Variants in CSMD1 observed in about 807,000 individuals in gnomAD.
The protein encoded by CSMD1 is CUB and Sushi multiple domains 1, also known as CUB and sushi domain-containing protein 1.
Under a neutral mutation model 417.5 loss-of-function variants are expected in CSMD1, and 213 were observed. The ratio of observed to expected loss-of-function variants is 0.51; its 90% CI spans 0.46 to 0.57. CSMD1 has a LOEUF of 0.57. Ranked by LOEUF, CSMD1 falls within the 20% of genes least tolerant of loss-of-function variation. The pLI is 0.00. For synonymous variants in CSMD1, 2,862 were observed against 1,736.8 expected (o/e 1.65, Z -16.11); for missense variants, 6,923 against 4,529.7 (o/e 1.53, Z -15.17).
chr8:4,925,534 T>A (rs908930667), intron 1 of CSMD1, among the ~76,000 whole-genome samples: 1 of 10,390 alleles, frequency 9.6e-5, no homozygotes, highest in African/African-American at 1.1e-4. Flanking sequence ...TGTCTGGCAT[T>A]TTCTTTTTTT....
chr8:4,038,428 C>A (rs1284667160), intron 3 of CSMD1, among the ~76,000 whole-genome samples: 2 of 152,116 alleles, frequency 1.3e-5, no homozygotes, highest in African/African-American at 2.4e-5. Context: ...AAGACACACA[C>A]AGACACAAAT....
intron 7 of CSMD1, among the ~76,000 whole-genome samples, chr8:3,634,762 G>A (rs7837887): frequency 0.38 from 57,634 of 151,996 alleles, 11,469 homozygotes; most frequent in Middle Eastern, 0.56. Flanking sequence ...CAGTTTGATT[G>A]CTTACCCATT....
At chr8:4,706,303 C>T (rs1807937858) in intron 1 of CSMD1, among the ~76,000 whole-genome samples, 1 of 151,910 alleles carries the variant, frequency 6.6e-6, no homozygotes, top group African/African-American at 2.4e-5. Context: ...ACATGTACCC[C>T]ATGAAATAAG....
At chr8:3,331,237 C>CAAAAAAAAAAAAAAAAAAAAAAAAA (rs112278319) in intron 23 of CSMD1, among the ~76,000 whole-genome samples, 28 of 128,506 alleles carry the variant, frequency 2.2e-4, no homozygotes, top group African/African-American at 8.3e-4. Flanking sequence ...GACTCCGTCT[C>CAAAAAAAAAAAAAAAAAAAAAAAAA]AAAAAAAAAA....
chr8:4,042,277 G>T (rs1037667067), intron 3 of CSMD1, among the ~76,000 whole-genome samples: 2 of 152,214 alleles, frequency 1.3e-5, no homozygotes, highest in South Asian at 2.1e-4. Context: ...AATCTTTAAA[G>T]CATCCCTACT....
intron 3 of CSMD1, among the ~76,000 whole-genome samples, chr8:4,390,598 C>T (rs778751998): frequency 4.0e-5 from 6 of 151,752 alleles, no homozygotes; most frequent in Non-Finnish European, 7.4e-5. Flanking sequence ...CCTGCAAGCT[C>T]CGCCTCCCGG....
intron 9 of CSMD1, among the ~76,000 whole-genome samples, chr8:3,581,211 C>T (rs17395377): frequency 0.11 from 16,038 of 152,192 alleles, 1,060 homozygotes; most frequent in Non-Finnish European, 0.14. Context: ...ATACTCTTCT[C>T]TCCACTTTGT....
chr8:4,262,019 T>G (rs777378124), intron 3 of CSMD1, among the ~76,000 whole-genome samples: 16 of 152,234 alleles, frequency 1.1e-4, no homozygotes, highest in Non-Finnish European at 1.9e-4. Context: ...CTGCTTAATC[T>G]TTAGTACTCC....
chr8:3,038,522 C>T (rs907851019), intron 50 of CSMD1, among the ~76,000 whole-genome samples: 7 of 152,024 alleles, frequency 4.6e-5, no homozygotes, highest in African/African-American at 7.2e-5. Context: ...ACTTCTAAAA[C>T]GTTCCTTAAA....
Position 4,141,292 on chromosome 8 carries a change from C to A in CSMD1, c.416-109193G>T, listed in dbSNP as rs113868689. On this transcript the variant is annotated intron_variant, in intron 3 of 69. Coordinates refer to ENST00000635120, the MANE Select transcript of CSMD1 (RefSeq NM_033225.6). ...AGCGACCTTCAGGTAGTGAAAAATC[C>A]GTAATTCCCAAGATGGAAATTAAGG... 3.3e-5 allele frequency among the ~76,000 whole-genome samples: 5 copies of A among 151,040 alleles called. No individual in the cohort carries two copies. In the East Asian group the frequency reaches 9.7e-4, roughly 29 times the overall value.
In CSMD1 at chr8:3,971,928, G is replaced by C. The variant is rs141628177; in HGVS notation, c.818+25975C>G. ...TGTTCTTGTTTGTCTATTTTTTTGAGACAGGGTGTCATTCTGTTGCCCAGG... is the reference window on the plus strand; with the variant it reads ...TGTTCTTGTTTGTCTATTTTTTTGACACAGGGTGTCATTCTGTTGCCCAGG... On this transcript the variant is annotated intron_variant, in intron 5 of 69. Transcript: ENST00000635120. Among the ~76,000 whole-genome samples the C allele has an allele frequency of 1.3e-3, 202 of 151,966 alleles. 1 individual carries two copies. The highest frequency in any genetic ancestry group is 4.4e-3 in the African/African-American group (181 of 41,420).
At chr8:4,641,763 G>C (rs1017923466) in intron 1 of CSMD1, among the ~76,000 whole-genome samples, 1 of 151,992 alleles carries the variant, frequency 6.6e-6, no homozygotes, top group Non-Finnish European at 1.5e-5. Flanking sequence ...AAAATAAAAT[G>C]GTGAGTAAAT....
intron 52 of CSMD1, among the ~76,000 whole-genome samples, chr8:3,015,057 C>T (rs935214652): frequency 6.6e-6 from 1 of 151,092 alleles, no homozygotes; most frequent in East Asian, 2.0e-4. Flanking sequence ...AATATGTATC[C>T]ATAAAAATTA....
At chr8:3,505,449 T>C (rs2117365599) in intron 10 of CSMD1, among the ~76,000 whole-genome samples, 1 of 152,276 alleles carries the variant, frequency 6.6e-6, no homozygotes, top group Admixed American at 6.5e-5. Context: ...TAATGGAAGA[T>C]ACACTTTCAC....
At chr8:4,012,191 C>T (rs976856384) in intron 4 of CSMD1, among the ~76,000 whole-genome samples, 35 of 152,170 alleles carry the variant, frequency 2.3e-4, no homozygotes, top group Admixed American at 2.0e-4. Context: ...ACAGGGCTGA[C>T]TGTATATGAT....
chr8:3,161,126 T>G (rs889084476), intron 38 of CSMD1, among the ~76,000 whole-genome samples: 2 of 152,230 alleles, frequency 1.3e-5, no homozygotes, highest in Non-Finnish European at 2.9e-5. Context: ...CTCCTGACTT[T>G]AGAATATACA....
intron 52 of CSMD1, among the ~76,000 whole-genome samples, chr8:3,002,195 T>C (rs573678689): frequency 6.6e-6 from 1 of 152,182 alleles, no homozygotes; most frequent in African/African-American, 2.4e-5. Flanking sequence ...AGAACGTCGA[T>C]GAGGGTGAAT....
chr8:4,982,478 G>A (rs149865339), intron 1 of CSMD1, among the ~76,000 whole-genome samples: 247 of 152,252 alleles, frequency 1.6e-3, no homozygotes, highest in Non-Finnish European at 2.6e-3. Context: ...GACAAAGAAC[G>A]GGTATTGTCA....
chr8:4,121,717 T>C (rs1802497717), intron 3 of CSMD1, among the ~76,000 whole-genome samples: 1 of 151,954 alleles, frequency 6.6e-6, no homozygotes, highest in Non-Finnish European at 1.5e-5. Context: ...ACATACTTCA[T>C]TCTAGAATTA....
Sources: allele counts gnomAD v4.1 joint callset (sites outside exome capture counted in the v4.1 genomes callset), GRCh38; gene constraint gnomAD v4.1.1; transcripts MANE v1.5; gene names NCBI Gene and HGNC (gene_info 2026-07-23, HGNC 2026-07-21).